PPID: variants seen among roughly 807,000 people sequenced by gnomAD.
The protein encoded by PPID is peptidylprolyl isomerase D.
PPID carries 47 observed loss-of-function variants against 48.1 expected under a neutral mutation model. That is an observed-to-expected ratio of 0.98 (90% CI 0.77 to 1.25). The LOEUF is 1.25. Ranked by LOEUF, PPID falls within the 50% of genes most tolerant of loss-of-function variation. The pLI is 0.00. For missense variants in PPID, 429 were observed against 443.5 expected (o/e 0.97, Z 0.29); for synonymous variants, 163 against 148.8 (o/e 1.10, Z -0.69).
At position 158,710,053 on chromosome 4, in the gene PPID, C is replaced by T. The variant is rs148265269; in HGVS notation, c.1025-229G>A. On this transcript the variant is annotated intron_variant, in intron 9 of 9. Transcript: ENST00000307720. Reference sequence around the variant, plus strand: ...CATCAAGATTTGCCTTCTGCCTCTACATTAGAGAACAGTAATTGCTTCCCT... The same window carrying T: ...CATCAAGATTTGCCTTCTGCCTCTATATTAGAGAACAGTAATTGCTTCCCT... The T allele has an allele frequency of 2.0e-4, 106 of 517,240 alleles. No homozygotes were observed. In the Middle Eastern group the frequency reaches 3.6e-3, roughly 18 times the overall value. 32.0% of individuals were successfully genotyped at this position (517,240 alleles called of 1,614,324 possible). A position where few individuals can be genotyped will look rare whatever the true frequency, so the allele number is the denominator to read the frequency against.
Position 158,723,356 on chromosome 4 carries a change from C to A in PPID, c.-68G>T. On this transcript the variant is annotated 5_prime_UTR_variant, in exon 1 of 10. Transcript: ENST00000307720. ...AGTGGCCGCCCGGGCCGCCCAAACT[C>A]CAGAGTCCGTCTCCGCCGGAGACCG... is the stretch of plus-strand genomic sequence containing the variant. The A allele has an allele frequency of 6.8e-7, 1 of 1,476,074 alleles. No individual in the cohort carries two copies. 91.4% of individuals were successfully genotyped at this position (1,476,074 alleles called of 1,614,324 possible). A position where few individuals can be genotyped will look rare whatever the true frequency, so the allele number is the denominator to read the frequency against.
At position 158,717,063 on chromosome 4, in the gene PPID, T is replaced by G. The variant is rs978189427; in HGVS notation, c.471A>C (p.Gly157=). The change falls in exon 4 of 10, where the codon GGA becomes GGC. Residue 157 remains glycine (G), a synonymous_variant. Transcript: ENST00000307720. ...VVFGQVIKGI[G]VARILENVEV... The stretch of plus-strand genomic sequence containing the variant: ...CCACATTTTCCAATATCCTTGCCAC[T>G]CCTATTCCTTTAATTACTTGGCCAA... 6.2e-7 allele frequency: 1 copy of G among 1,614,126 alleles called. No individual in the cohort carries two copies. Among genetic ancestry groups the G allele is most frequent in the Non-Finnish European group, 8.5e-7 (1 of 1,179,986 alleles).
chr4:158,715,750 C>T, intron 4 of PPID, 66 bp from the exon 5 acceptor site: 1 of 1,533,594 alleles, frequency 6.5e-7, no homozygotes, highest in South Asian at 1.1e-5. Flanking sequence ...AGCTATACAG[C>T]TGAAGTCATG....
At chr4:158,712,299 C>G (rs887869304) in intron 7 of PPID, among the ~76,000 whole-genome samples, 2 of 152,204 alleles carry the variant, frequency 1.3e-5, no homozygotes, top group Non-Finnish European at 2.9e-5. Context: ...AACCCATTCT[C>G]CATACACAAG....
In PPID at chr4:158,710,791, G is replaced by C. The variant is rs1212799546; in HGVS notation, c.952C>G (p.Gln318Glu). The change falls in exon 8 of 10, where the codon CAA becomes GAA. Residue 318 changes from glutamine to glutamate, a missense_variant. By Grantham distance (29) the Gln-to-Glu change is conservative (BLOSUM62 2). Coordinates refer to ENST00000307720, the MANE Select transcript of PPID (RefSeq NM_005038.3). ...KALYRRAQGW[Q>E]GLKEYDQALA... The stretch of plus-strand genomic sequence containing the variant: ...GCTTGATCATATTCTTTTAATCCTT[G>C]CCATCCTTGAGCTCTGCGGTACAAT... 1 of 1,613,738 alleles carries C rather than the reference G, an allele frequency of 6.2e-7. No homozygotes were observed. The highest frequency in any genetic ancestry group is 2.2e-5 in the East Asian group (1 of 44,890).
chr4:158,719,879 C>G (rs1006091796), intron 2 of PPID, among the ~76,000 whole-genome samples: 1 of 152,176 alleles, frequency 6.6e-6, no homozygotes, highest in Admixed American at 6.5e-5. Flanking sequence ...GTGGTTGGAT[C>G]ACAGTGGTAA....
chr4:158,717,886 C>T (rs1774897185), intron 3 of PPID, among the ~76,000 whole-genome samples: 1 of 152,140 alleles, frequency 6.6e-6, no homozygotes, highest in African/African-American at 2.4e-5. Flanking sequence ...TCTATGAAAC[C>T]CAATTTCTTA....
At position 158,722,424 on chromosome 4, in the gene PPID, G is replaced by T. The variant is rs1023281397; in HGVS notation, c.85+780C>A. 6.6e-4 allele frequency among the ~76,000 whole-genome samples: 101 copies of T among 152,254 alleles called. 1 individual carries two copies. Among genetic ancestry groups the T allele is most frequent in the Non-Finnish European group, 1.5e-4 (10 of 68,046 alleles). ...AAAAGCTGTAAAAATTCCTCCTCTAGATAGCAGCTAAGACAGGTGAGATTA... is the reference window on the plus strand; with the variant it reads ...AAAAGCTGTAAAAATTCCTCCTCTATATAGCAGCTAAGACAGGTGAGATTA... On this transcript the variant is annotated intron_variant, in intron 1 of 9. Transcript: ENST00000307720.
In PPID at chr4:158,713,136, T is replaced by C. The variant is rs1053419968; in HGVS notation, c.877A>G (p.Ile293Val). Reference sequence around the variant, plus strand: ...AGACTTACCTCTAAACAACTGTCAATTGCTCCCTGCCAATTTGACATCTTC... The same window carrying C: ...AGACTTACCTCTAAACAACTGTCAACTGCTCCCTGCCAATTTGACATCTTC... ...KLKMSNWQGAIDSCLEALELD... is the reference protein window; with the variant it reads ...KLKMSNWQGAVDSCLEALELD... The change falls in exon 7 of 10, where the codon ATT becomes GTT. Residue 293 changes from isoleucine (I) to valine (V), a missense_variant. Coordinates refer to ENST00000307720, the MANE Select transcript of PPID (RefSeq NM_005038.3). 3 of 1,613,954 alleles carry C rather than the reference T, an allele frequency of 1.9e-6. No individual in the cohort carries two copies. Among genetic ancestry groups the C allele is most frequent in the Non-Finnish European group, 2.5e-6 (3 of 1,179,996 alleles).
intron 4 of PPID, among the ~76,000 whole-genome samples, chr4:158,715,987 C>T (rs6833064): frequency 0.014 from 2,174 of 152,326 alleles, 43 homozygotes; most frequent in African/African-American, 0.047. Context: ...TTGTCATACA[C>T]TGAGTGACAG....
intron 1 of PPID, 108 bp downstream of exon 1, chr4:158,723,096 G>C (rs999898904): frequency 8.6e-7 from 1 of 1,159,548 alleles, no homozygotes; most frequent in African/African-American, 1.5e-5. Flanking sequence ...TCCCCTCCGC[G>C]AAACTGAGCA....
At chr4:158,710,383 A>G in intron 9 of PPID, 4 of 579,996 alleles carry the variant, frequency 6.9e-6, no homozygotes, top group South Asian at 2.1e-5. Flanking sequence ...TACAGAGATG[A>G]TAACTTGAAG....
chr4:158,716,752 G>A (rs1774878236), intron 4 of PPID, among the ~76,000 whole-genome samples: 1 of 152,156 alleles, frequency 6.6e-6, no homozygotes, highest in South Asian at 2.1e-4. Flanking sequence ...AAGGTCAGGA[G>A]TTTGAGACCA....
intron 3 of PPID, 54 bp from the exon 4 acceptor site, chr4:158,717,254 TTG>T (rs1449404302): frequency 1.3e-6 from 2 of 1,513,250 alleles, no homozygotes; most frequent in East Asian, 4.6e-5. Context: ...CTTTTCTGAA[TTG>T]TGTGTTAGTC....
intron 1 of PPID, 41 bp from the exon 2 acceptor site, chr4:158,721,524 A>C (rs760733452): frequency 6.3e-7 from 1 of 1,587,984 alleles, no homozygotes; most frequent in Non-Finnish European, 8.6e-7. Context: ...AAAACAACCA[A>C]ATAGACAAAT....
intron 9 of PPID, chr4:158,710,044 C>T (rs1774757963): frequency 1.9e-6 from 1 of 540,472 alleles, no homozygotes; most frequent in Non-Finnish European, 3.3e-6. Context: ...GATTTGCCTT[C>T]TGCCTCTACA....
chr4:158,723,219 T>C lies in PPID; in HGVS notation c.70A>G (p.Ile24Val). The C allele has an allele frequency of 6.2e-7, 1 of 1,613,890 alleles. No individual in the cohort carries two copies. The highest frequency in any genetic ancestry group is 8.5e-7 in the Non-Finnish European group (1 of 1,179,922). The change falls in exon 1 of 10, where the codon ATC (isoleucine) becomes GTC (valine). Residue 24 changes from isoleucine (I) to valine (V), a missense_variant. By Grantham distance (29) the Ile-to-Val change is conservative. Transcript: ENST00000307720. ...CTCCGCTCACCTCGCTCCCCTCCGA[T>C]GTCCACGTCAAAGAAGACTCGAGGG... is the stretch of plus-strand genomic sequence containing the variant. ...SNPRVFFDVD[I>V]GGERVGRIVL... is the part of the protein sequence containing the mutation.
chr4:158,723,239 C>A lies in PPID; in HGVS notation c.50G>T (p.Arg17Leu). The A allele has an allele frequency of 1.2e-6, 2 of 1,614,050 alleles. No individual in the cohort carries two copies. The highest frequency in any genetic ancestry group is 1.7e-6 in the Non-Finnish European group (2 of 1,180,004). The change falls in exon 1 of 10, where the codon CGA becomes CTA. Residue 17 changes from arginine to leucine, a missense_variant. Coordinates refer to ENST00000307720, the MANE Select transcript of PPID (RefSeq NM_005038.3). ...TCCGATGTCCACGTCAAAGAAGACTCGAGGGTTACTGGGGTTGGAGGGCTT... is the reference window on the plus strand; with the variant it reads ...TCCGATGTCCACGTCAAAGAAGACTAGAGGGTTACTGGGGTTGGAGGGCTT... ...QAKPSNPSNPRVFFDVDIGGE... is the reference protein window; with the variant it reads ...QAKPSNPSNPLVFFDVDIGGE...
Position 158,715,336 on chromosome 4 carries a change from T to C in PPID, c.713A>G (p.Asn238Ser). 1 of 1,542,208 alleles carries C rather than the reference T, an allele frequency of 6.5e-7. No individual in the cohort carries two copies. Among genetic ancestry groups the C allele is most frequent in the Admixed American group, 2.0e-5 (1 of 49,600 alleles). The change falls in exon 6 of 10, where the codon AAC becomes AGC. Residue 238 changes from asparagine (N) to serine (S), a missense_variant. Physicochemically the swap from Asn to Ser is conservative, Grantham distance 46 (BLOSUM62 1). Coordinates refer to ENST00000307720, the MANE Select transcript of PPID (RefSeq NM_005038.3). ...ATATTTTTTAATAGCCATCTCCCAG[T>C]TCTGGGATTTGAAAAAAGTATTTCC... ...NIGNTFFKSQ[N>S]WEMAIKKYAE...
Sources: gnomAD v4.1 joint callset for allele counts (sites outside exome capture counted in the v4.1 genomes callset) on GRCh38, gnomAD v4.1.1 for gene constraint, MANE v1.5 for transcripts, NCBI Gene and HGNC (gene_info 2026-07-23, HGNC 2026-07-21) for gene names.